Variants in MAML3 observed in about 807,000 individuals in gnomAD.
MAML3 encodes mastermind like transcriptional coactivator 3.
A neutral mutation model predicts 101.9 loss-of-function variants in MAML3; 27 were observed. The ratio of observed to expected loss-of-function variants is 0.27; its 90% CI spans 0.20 to 0.37. MAML3 has a LOEUF of 0.37. Ranked by LOEUF, MAML3 falls within the 10% of genes least tolerant of loss-of-function variation. The probability of loss-of-function intolerance (pLI) is 1.00; values close to 1 mark genes in which losing one functional copy is unlikely to be tolerated. For synonymous variants in MAML3, 501 were observed against 555.9 expected (o/e 0.90, Z 1.39); for missense variants, 1,316 against 1,444.9 (o/e 0.91, Z 1.45).
chr4:139,974,638 A>G (rs979521466), intron 1 of MAML3, among the ~76,000 whole-genome samples: 12 of 152,178 alleles, frequency 7.9e-5, no homozygotes, highest in Admixed American at 7.9e-4. Flanking sequence ...ATGATTCCCG[A>G]GACTCTTCTA....
In MAML3 at chr4:139,880,696, ACCC is replaced by A. The variant is rs140005499; in HGVS notation, c.2079+8658_2079+8660del. Reference sequence around the variant, plus strand: ...AAGAGAGCACTTTTGGTTTTGTGAAACCCACTCTATTGGAGCCAAAAGTGTTAG... The same window carrying A: ...AAGAGAGCACTTTTGGTTTTGTGAAAACTCTATTGGAGCCAAAAGTGTTAG... On this transcript the variant is annotated intron_variant, in intron 2 of 4. Coordinates refer to ENST00000509479, the MANE Select transcript of MAML3 (RefSeq NM_018717.5). Among the ~76,000 whole-genome samples, 206 of 152,284 alleles carry A rather than the reference ACCC, an allele frequency of 1.4e-3. 1 individual carries two copies. In the Middle Eastern group the frequency reaches 0.02, roughly 15 times the overall value.
chr4:139,910,127 C>G (rs919126251), intron 1 of MAML3, among the ~76,000 whole-genome samples: 26 of 152,094 alleles, frequency 1.7e-4, no homozygotes, highest in African/African-American at 6.0e-4. Context: ...ACTAAGAGAC[C>G]ACTAGGTTAG....
intron 1 of MAML3, among the ~76,000 whole-genome samples, chr4:140,104,856 T>G (rs979450609): frequency 9.5e-6 from 1 of 105,744 alleles, no homozygotes; most frequent in Non-Finnish European, 2.3e-5. Flanking sequence ...AAACTTTAAT[T>G]TTTTTTAAAC....
intron 2 of MAML3, among the ~76,000 whole-genome samples, chr4:139,843,188 C>T (rs982196114): frequency 7.9e-5 from 12 of 152,252 alleles, no homozygotes; most frequent in East Asian, 5.8e-4. Flanking sequence ...CTCCCAAAAG[C>T]TCTACGTGTA....
intron 2 of MAML3, among the ~76,000 whole-genome samples, chr4:139,884,182 C>G (rs1369259153): frequency 6.6e-6 from 1 of 152,134 alleles, no homozygotes; most frequent in Admixed American, 6.5e-5. Flanking sequence ...CGGCGCCTGG[C>G]TGCTTAAAGT....
In MAML3 at chr4:139,890,077, C is replaced by T. The variant is rs1358030751; in HGVS notation, c.1359G>A (p.Gly453=). ...TGTCAGAGCTGGGCACAGCCACAGG[C>T]CCTGACGCTGAACCGGCCACTGTCA... The part of the protein sequence containing the change: ...AAVTVAGSAS[G]PVAVPSSDMS... The change falls in exon 2 of 5, where the codon GGG becomes GGA. Residue 453 remains glycine (G), a synonymous_variant. Transcript: ENST00000509479. The surrounding 1 kb of genome is among the most constrained non-coding windows in gnomAD (Gnocchi z 4.1). 2 of 1,612,066 alleles carry T rather than the reference C, an allele frequency of 1.2e-6. No individual in the cohort carries two copies. The highest frequency in any genetic ancestry group is 4.5e-5 in the East Asian group (2 of 44,854).
intron 2 of MAML3, among the ~76,000 whole-genome samples, chr4:139,853,663 T>C (rs1731600365): frequency 6.6e-6 from 1 of 152,048 alleles, no homozygotes; most frequent in African/African-American, 2.4e-5. Flanking sequence ...TGCTGAGGAC[T>C]TTAGGCACTG....
chr4:139,962,722 AAGAG>A (rs1734042646), intron 1 of MAML3, among the ~76,000 whole-genome samples: 1 of 152,214 alleles, frequency 6.6e-6, no homozygotes, highest in Non-Finnish European at 1.5e-5. Context: ...AACCAAGAAA[AAGAG>A]AGGAAGAGAG....
At chr4:140,043,947 A>AT (rs1727133533) in intron 1 of MAML3, among the ~76,000 whole-genome samples, 1 of 152,236 alleles carries the variant, frequency 6.6e-6, no homozygotes, top group Non-Finnish European at 1.5e-5. Flanking sequence ...TGAAAAGATT[A>AT]TAAATCTAAA....
intron 2 of MAML3, among the ~76,000 whole-genome samples, chr4:139,813,783 C>G (rs1022078568): frequency 6.6e-6 from 1 of 152,028 alleles, no homozygotes. Context: ...CCAAAGGATG[C>G]AGGACTCCAG....
chr4:139,968,261 G>A (rs1240172492), intron 1 of MAML3, among the ~76,000 whole-genome samples: 7 of 144,470 alleles, frequency 4.8e-5, no homozygotes. Context: ...TGTGAGCCAA[G>A]ATCGTGCCAC....
intron 1 of MAML3, among the ~76,000 whole-genome samples, chr4:139,953,153 C>A (rs1733859795): frequency 6.6e-6 from 1 of 152,190 alleles, no homozygotes; most frequent in Non-Finnish European, 1.5e-5. Context: ...ATATACACTT[C>A]TATATGCTTG....
At chr4:139,912,970 T>C (rs550549065) in intron 1 of MAML3, among the ~76,000 whole-genome samples, 1 of 152,324 alleles carries the variant, frequency 6.6e-6, no homozygotes, top group East Asian at 1.9e-4. Context: ...GAATCTGCAG[T>C]AGGACAAGGT....
At chr4:140,120,053 C>T (rs1015709203) in intron 1 of MAML3, among the ~76,000 whole-genome samples, 2 of 151,296 alleles carry the variant, frequency 1.3e-5, no homozygotes, top group Admixed American at 6.6e-5. Context: ...CTGGCTAACA[C>T]GGTGAAACCC....
At chr4:139,902,345 T>C (rs1732743683) in intron 1 of MAML3, among the ~76,000 whole-genome samples, 1 of 152,132 alleles carries the variant, frequency 6.6e-6, no homozygotes, top group African/African-American at 2.4e-5. Flanking sequence ...AGCATCTGAC[T>C]CCCAGGCCTC....
chr4:139,740,600 C>T (rs1729133132), intron 2 of MAML3: 1 of 152,102 alleles, frequency 6.6e-6, no homozygotes, highest in South Asian at 2.1e-4. Flanking sequence ...TTGTACCCAC[C>T]CTTTCTGATG....
At chr4:139,824,722 C>T (rs920541283) in intron 2 of MAML3, among the ~76,000 whole-genome samples, 1 of 152,102 alleles carries the variant, frequency 6.6e-6, no homozygotes, top group African/African-American at 2.4e-5. Flanking sequence ...ATCTATTTTC[C>T]CCCATTAGTT....
intron 1 of MAML3, among the ~76,000 whole-genome samples, chr4:140,044,013 C>T (rs926074305): frequency 2.0e-5 from 3 of 151,968 alleles, no homozygotes; most frequent in East Asian, 1.9e-4. Flanking sequence ...AAATAATACC[C>T]GTTCATTTTT....
Position 139,823,924 on chromosome 4 carries a change from C to G in MAML3, c.2079+65433G>C, listed in dbSNP as rs62322636. On this transcript the variant is annotated intron_variant, in intron 2 of 4. Transcript: ENST00000509479. ...CAATTGATAGGTCTGCAGGCCAAGACCTGTTCACGTGTTTGAAATATTTAC... is the reference window on the plus strand; with the variant it reads ...CAATTGATAGGTCTGCAGGCCAAGAGCTGTTCACGTGTTTGAAATATTTAC... Among the ~76,000 whole-genome samples, 511 of 151,732 alleles carry G rather than the reference C, an allele frequency of 3.4e-3. 1 individual carries two copies. Among genetic ancestry groups the G allele is most frequent in the Non-Finnish European group, 5.7e-3 (390 of 67,954 alleles).
Sources: allele counts gnomAD v4.1 joint callset (sites outside exome capture counted in the v4.1 genomes callset), GRCh38; gene constraint gnomAD v4.1.1; non-coding constraint Gnocchi (gnomAD v3.1); transcripts MANE v1.5; gene names NCBI Gene and HGNC (gene_info 2026-07-23, HGNC 2026-07-21).